HDAC4: variants seen among roughly 807,000 people sequenced by gnomAD.
HDAC4 encodes the protein histone deacetylase 4, also known as histone deacetylase A.
A neutral mutation model predicts 135.1 loss-of-function variants in HDAC4; 16 were observed. The observed-to-expected ratio is 0.12, with a 90% confidence interval of 0.08 to 0.18. The LOEUF is 0.18. HDAC4 is among the 10% of genes least tolerant of loss of function. The pLI, the probability that HDAC4 is intolerant of heterozygous loss-of-function variation, is 1.00. For synonymous variants in HDAC4, 685 were observed against 653.4 expected (o/e 1.05, Z -0.74); for missense variants, 1,143 against 1,511.8 (o/e 0.76, Z 4.05).
chr2:239,361,836 G>C (rs1277696642), intron 1 of HDAC4, among the ~76,000 whole-genome samples: 1 of 152,124 alleles, frequency 6.6e-6, no homozygotes, highest in East Asian at 1.9e-4. Flanking sequence ...ACTTAAGCAT[G>C]ATCTAGTTCT....
chr2:239,230,416 C>T (rs562386844), intron 3 of HDAC4, among the ~76,000 whole-genome samples: 4 of 143,474 alleles, frequency 2.8e-5, no homozygotes, highest in Admixed American at 2.1e-4. Context: ...TGTTCCGTGG[C>T]GGACATGACC....
intron 24 of HDAC4, among the ~76,000 whole-genome samples, chr2:239,058,131 G>C (rs2032154352): frequency 1.3e-5 from 2 of 152,232 alleles, no homozygotes; most frequent in Admixed American, 1.3e-4. Flanking sequence ...ATTGGGGCTG[G>C]CCCAGTCCGG....
chr2:239,050,490 T>A lies in HDAC4; in HGVS notation c.*2607A>T, dbSNP rs2030672284. 1 of 152,526 alleles carries A rather than the reference T, an allele frequency of 6.6e-6. No homozygotes were observed. Among genetic ancestry groups the A allele is most frequent in the Admixed American group, 6.5e-5 (1 of 15,290 alleles). The allele number at this position is 152,526 out of a possible 1,614,324, so 9.4% of individuals were successfully genotyped here. A position where few individuals can be genotyped will look rare whatever the true frequency, so the allele number is the denominator to read the frequency against. ...CCAGCTCCTCTTGCCAATCTGGGCTTCAGAGCAAAGAGTGGCCACCAGGGA... is the reference window on the plus strand; with the variant it reads ...CCAGCTCCTCTTGCCAATCTGGGCTACAGAGCAAAGAGTGGCCACCAGGGA... On this transcript the variant is annotated 3_prime_UTR_variant, in exon 27 of 27. Coordinates refer to ENST00000543185, the MANE Select transcript of HDAC4 (RefSeq NM_001378414.1).
Position 239,179,612 on chromosome 2 carries a change from C to T in HDAC4, c.340-3049G>A, listed in dbSNP as rs964909401. Among the ~76,000 whole-genome samples, 7 of 152,304 alleles carry T rather than the reference C, an allele frequency of 4.6e-5. No individual in the cohort carries two copies. In the South Asian group the frequency reaches 6.2e-4, roughly 14 times the overall value. ...AACCGGTCCCTGGTGCCAAAAAGGTCGGGACCGATTGCCGCTCTACAACAA... is the reference window on the plus strand; with the variant it reads ...AACCGGTCCCTGGTGCCAAAAAGGTTGGGACCGATTGCCGCTCTACAACAA... On this transcript the variant is annotated intron_variant, in intron 4 of 26. Transcript: ENST00000543185.
intron 2 of HDAC4, among the ~76,000 whole-genome samples, chr2:239,314,323 G>A (rs2053025555): frequency 1.3e-5 from 2 of 152,186 alleles, no homozygotes; most frequent in African/African-American, 2.4e-5. Flanking sequence ...AAACACATAC[G>A]AAGGACACTC....
chr2:239,084,634 GAC>G (rs1189374243), intron 19 of HDAC4, among the ~76,000 whole-genome samples: 10 of 141,670 alleles, frequency 7.1e-5, no homozygotes. Flanking sequence ...CACAGACAGA[GAC>G]ACACGTACAC....
intron 3 of HDAC4, among the ~76,000 whole-genome samples, chr2:239,207,965 A>G (rs1195350393): frequency 1.3e-5 from 2 of 152,164 alleles, no homozygotes; most frequent in Non-Finnish European, 1.5e-5. Flanking sequence ...ACTATGAGCA[A>G]GCTTAATCTA....
intron 1 of HDAC4, among the ~76,000 whole-genome samples, chr2:239,386,767 G>A (rs1695836526): frequency 6.6e-6 from 1 of 152,198 alleles, no homozygotes; most frequent in Non-Finnish European, 1.5e-5. Flanking sequence ...TAACAAGGCT[G>A]GCCCTTGTCC....
chr2:239,171,600 G>C (rs2043456135), intron 5 of HDAC4, among the ~76,000 whole-genome samples: 1 of 152,186 alleles, frequency 6.6e-6, no homozygotes, highest in Non-Finnish European at 1.5e-5. Context: ...GGTGAAGTTT[G>C]AGAATAATCA....
chr2:239,305,935 C>A (rs1020278846), intron 2 of HDAC4, among the ~76,000 whole-genome samples: 18 of 152,330 alleles, frequency 1.2e-4, no homozygotes, highest in Middle Eastern at 3.4e-3. Flanking sequence ...ACGGAGGAAC[C>A]GTGACAAAGA....
At position 239,350,988 on chromosome 2, in the gene HDAC4, C is replaced by T. The variant is rs1467563335; in HGVS notation, c.22+1690G>A. On this transcript the variant is annotated intron_variant, in intron 2 of 26. Coordinates refer to ENST00000543185, the MANE Select transcript of HDAC4 (RefSeq NM_001378414.1). ...AAGTGTACTCAAACAATAATTTTCC[C>T]ATAGCACACTGACAAAAATGAGAGA... is the stretch of plus-strand genomic sequence containing the variant. Among the ~76,000 whole-genome samples, 10 of 152,296 alleles carry T rather than the reference C, an allele frequency of 6.6e-5. No homozygotes were observed. The South Asian group carries it at 2.1e-3, about 32-fold the overall frequency.
chr2:239,209,193 C>T (rs1017164045), intron 3 of HDAC4, among the ~76,000 whole-genome samples: 7 of 152,318 alleles, frequency 4.6e-5, no homozygotes, highest in African/African-American at 1.7e-4. Flanking sequence ...CCCTGAAAGA[C>T]ATTTTTAAAT....
At chr2:239,329,845 G>T (rs978472332) in intron 2 of HDAC4, among the ~76,000 whole-genome samples, 1 of 152,048 alleles carries the variant, frequency 6.6e-6, no homozygotes, top group African/African-American at 2.4e-5. Flanking sequence ...ATAAGGTGAA[G>T]TCTCTTAGGA....
intron 19 of HDAC4, among the ~76,000 whole-genome samples, chr2:239,084,683 CCACA>C (rs964999506): frequency 3.8e-4 from 42 of 109,362 alleles, no homozygotes; most frequent in Admixed American, 4.4e-4. Flanking sequence ...ACACACCCTC[CCACA>C]CAGACACACA....
intron 2 of HDAC4, among the ~76,000 whole-genome samples, chr2:239,335,024 CAAAAA>C (rs35641548): frequency 4.2e-5 from 4 of 94,508 alleles, no homozygotes; most frequent in Admixed American, 1.3e-4. Flanking sequence ...GACTCCATCT[CAAAAA>C]AAAAAAAAAA....
At chr2:239,171,586 T>C (rs964187695) in intron 5 of HDAC4, among the ~76,000 whole-genome samples, 1 of 152,212 alleles carries the variant, frequency 6.6e-6, no homozygotes, top group Non-Finnish European at 1.5e-5. Flanking sequence ...TCAGTATCTG[T>C]TGAGGTGAAG....
chr2:239,049,457 AT>A lies in HDAC4; in HGVS notation c.*3639del, dbSNP rs574731549. On this transcript the variant is annotated 3_prime_UTR_variant, in exon 27 of 27. Transcript: ENST00000543185. Reference sequence around the variant, plus strand: ...CTCCAGGTGTAGGAAACTTAAAAAAATATATTCATATATATTTATATCTATA... The same window carrying A: ...CTCCAGGTGTAGGAAACTTAAAAAAAATATTCATATATATTTATATCTATA... 6.6e-6 allele frequency: 1 copy of A among 151,768 alleles called. No individual in the cohort carries two copies. The highest frequency in any genetic ancestry group is 6.6e-5 in the Admixed American group (1 of 15,258). The allele number at this position is 151,768 out of a possible 1,614,324, so 9.4% of individuals were successfully genotyped here.
intron 24 of HDAC4, among the ~76,000 whole-genome samples, chr2:239,058,140 G>T (rs910923379): frequency 6.6e-6 from 1 of 152,212 alleles, no homozygotes; most frequent in Non-Finnish European, 1.5e-5. Context: ...GGCCCAGTCC[G>T]GGCTTTGGTT....
intron 4 of HDAC4, among the ~76,000 whole-genome samples, chr2:239,182,820 G>A (rs1222760960): frequency 6.6e-6 from 1 of 152,116 alleles, no homozygotes; most frequent in Non-Finnish European, 1.5e-5. Context: ...AAGGGAAGAT[G>A]GCCATTTCAC....
Sources: allele counts gnomAD v4.1 joint callset (sites outside exome capture counted in the v4.1 genomes callset), GRCh38; gene constraint gnomAD v4.1.1; transcripts MANE v1.5; gene names NCBI Gene and HGNC (gene_info 2026-07-23, HGNC 2026-07-21).